IPP: variants seen among roughly 807,000 people sequenced by gnomAD.
The protein encoded by IPP is actin-binding protein IPP.
Under a neutral mutation model 64.1 loss-of-function variants are expected in IPP, and 41 were observed. The observed-to-expected ratio is 0.64, with a 90% CI of 0.50 to 0.83. The LOEUF is 0.83. Among genes scored for constraint, IPP ranks in the 40% least tolerant of loss-of-function variants. The pLI is 0.00. For synonymous variants in IPP, 214 were observed against 235.2 expected (o/e 0.91, Z 0.83); for missense variants, 649 against 703.0 (o/e 0.92, Z 0.87).
intron 1 of IPP, among the ~76,000 whole-genome samples, chr1:45,749,108 T>C (rs929167752): frequency 2.0e-5 from 3 of 152,222 alleles, no homozygotes; most frequent in African/African-American, 7.2e-5. Context: ...CAGCACATTT[T>C]GAACCCTAGT....
At chr1:45,741,378 A>G (rs538815815) in intron 2 of IPP, 46 bp from the exon 3 acceptor site, 2 of 1,279,688 alleles carry the variant, frequency 1.6e-6, no homozygotes, top group Non-Finnish European at 2.2e-6. Context: ...AAAAACAAAC[A>G]TTGGCTTACC....
chr1:45,717,168 G>T, intron 6 of IPP, 151 bp from the exon 7 acceptor site: 20 of 402,888 alleles, frequency 5.0e-5, no homozygotes, highest in Non-Finnish European at 6.6e-5. Flanking sequence ...GAAAAAGTTA[G>T]AATTTGACCA....
chr1:45,742,367 A>G (rs1235956821), intron 2 of IPP, among the ~76,000 whole-genome samples: 1 of 152,178 alleles, frequency 6.6e-6, no homozygotes, highest in Non-Finnish European at 1.5e-5. Context: ...TCTTGAACCT[A>G]AAAGTTGGAA....
chr1:45,719,131 T>C (rs1645698575), intron 6 of IPP, 72 bp downstream of exon 6: 1 of 1,428,294 alleles, frequency 7.0e-7, no homozygotes. Context: ...ATACCTATTA[T>C]GTATCCACAA....
rs569148357 is a variant in IPP at position 45,705,031 on chromosome 1, C to G, written c.1531-4841G>C. Among the ~76,000 whole-genome samples the G allele has an allele frequency of 1.2e-4, 18 of 152,368 alleles. No homozygotes were observed. In the South Asian group the frequency reaches 2.9e-3, roughly 25 times the overall value. On this transcript the variant is annotated intron_variant, in intron 8 of 8. Transcript: ENST00000396478. ...CCTCTGAGCTGCTACTCTCAACACA[C>G]TGTCTATGGAGTAGCCCCGCTCTGC... is the stretch of plus-strand genomic sequence containing the variant.
intron 5 of IPP, among the ~76,000 whole-genome samples, chr1:45,723,829 T>A (rs181377003): frequency 6.6e-6 from 1 of 151,920 alleles, no homozygotes; most frequent in Admixed American, 6.5e-5. Context: ...AAAAAATAAA[T>A]AAATAAAATA....
intron 3 of IPP, among the ~76,000 whole-genome samples, chr1:45,732,626 GGAA>G (rs1645926259): frequency 6.6e-6 from 1 of 151,890 alleles, no homozygotes; most frequent in African/African-American, 2.4e-5. Context: ...TCCAATAAAA[GGAA>G]GAAGACTACC....
intron 3 of IPP, among the ~76,000 whole-genome samples, chr1:45,735,003 C>T (rs1452795530): frequency 6.6e-6 from 1 of 152,126 alleles, no homozygotes; most frequent in Admixed American, 6.6e-5. Flanking sequence ...TGGTCTAGAA[C>T]TCCTGACCTC....
chr1:45,747,504 G>C (rs773957952), intron 1 of IPP, among the ~76,000 whole-genome samples: 11 of 151,996 alleles, frequency 7.2e-5, no homozygotes, highest in Non-Finnish European at 1.6e-4. Context: ...GGAATTATTA[G>C]GCCACCGGAC....
chr1:45,740,553 A>AC (rs534981654), intron 3 of IPP, among the ~76,000 whole-genome samples: 5,677 of 151,998 alleles, frequency 0.037, 190 homozygotes, highest in African/African-American at 0.091. Context: ...CGGGGGGCTG[A>AC]CCCCCCCTAG....
chr1:45,704,092 T>C (rs1645487883), intron 8 of IPP, among the ~76,000 whole-genome samples: 1 of 152,152 alleles, frequency 6.6e-6, no homozygotes, highest in Non-Finnish European at 1.5e-5. Context: ...ACTGAGGGAA[T>C]GAGGGAACCC....
intron 2 of IPP, among the ~76,000 whole-genome samples, chr1:45,744,667 C>T (rs781596163): frequency 5.3e-5 from 8 of 151,966 alleles, no homozygotes; most frequent in Non-Finnish European, 1.0e-4. Context: ...GGTGAAACCC[C>T]GTCTATACTA....
At chr1:45,725,658 T>G in intron 5 of IPP, among the ~76,000 whole-genome samples, 1 of 135,474 alleles carries the variant, frequency 7.4e-6, no homozygotes, top group Admixed American at 7.4e-5. Flanking sequence ...GCGGGAAGGG[T>G]GGGGAAAAAA....
intron 3 of IPP, among the ~76,000 whole-genome samples, chr1:45,733,126 A>G (rs183948137): frequency 6.6e-6 from 1 of 152,150 alleles, no homozygotes; most frequent in African/African-American, 2.4e-5. Context: ...TAGATATTCA[A>G]TCAGAAAAAT....
chr1:45,746,342 A>G lies in IPP; in HGVS notation c.70T>C (p.Leu24=). The G allele has an allele frequency of 6.2e-7, 1 of 1,614,096 alleles. No homozygotes were observed. The highest frequency in any genetic ancestry group is 1.1e-5 in the South Asian group (1 of 91,092). ...TTTCTCATCTTATTGATTTGGGCCAAGATGAGTTGGGCATGTTTATCTGAT... is the reference window on the plus strand; with the variant it reads ...TTTCTCATCTTATTGATTTGGGCCAGGATGAGTTGGGCATGTTTATCTGAT... ...FSSDKHAQLI[L]AQINKMRNGQ... is the part of the protein sequence containing the mutation. The change falls in exon 2 of 9, where the codon TTG becomes CTG. Residue 24 remains leucine (L), a synonymous_variant. Coordinates refer to ENST00000396478, the MANE Select transcript of IPP (RefSeq NM_005897.3).
Position 45,748,664 on chromosome 1 carries a change from C to A in IPP, c.-51+1933G>T, listed in dbSNP as rs148558844. On this transcript the variant is annotated intron_variant, in intron 1 of 8. Transcript: ENST00000396478. ...TCCAGCCTGGACAACAGAGCAAGAC[C>A]GTGTCTCAACAACAACAACAACAAA... Among the ~76,000 whole-genome samples the A allele has an allele frequency of 3.3e-5, 5 of 151,944 alleles. No individual in the cohort carries two copies. In the East Asian group the frequency reaches 9.6e-4, roughly 29 times the overall value.
intron 1 of IPP, among the ~76,000 whole-genome samples, chr1:45,749,950 G>A (rs1207013481): frequency 6.6e-6 from 1 of 152,184 alleles, no homozygotes; most frequent in African/African-American, 2.4e-5. Context: ...CTACTTGGGA[G>A]GCTGAGGTGA....
Position 45,716,938 on chromosome 1 carries a change from G to T in IPP, c.1266C>A (p.Asn422Lys), listed in dbSNP as rs767989399. 6.2e-7 allele frequency: 1 copy of T among 1,612,516 alleles called. No homozygotes were observed. Among genetic ancestry groups the T allele is most frequent in the East Asian group, 2.2e-5 (1 of 44,814 alleles). ...CAAAGTAGTAGCGTGACACAGCCAT[G>T]TTACCAACTACTTCCCATTTATTTT... is the stretch of plus-strand genomic sequence containing the variant. ...PDENKWEVVG[N>K]MAVSRYYFGC... The change falls in exon 7 of 9, where the codon AAC becomes AAA. Residue 422 changes from asparagine to lysine, a missense_variant. Asn to Lys is a moderately conservative substitution (Grantham distance 94). Transcript: ENST00000396478.
chr1:45,694,683 G>GGATAT, downstream of IPP: 1 of 546,502 alleles, frequency 1.8e-6, no homozygotes, highest in South Asian at 2.5e-5. Flanking sequence ...TCAAAGGTAA[G>GGATAT]TTGGACATGT....
Sources: allele counts gnomAD v4.1 joint callset (sites outside exome capture counted in the v4.1 genomes callset), GRCh38; gene constraint gnomAD v4.1.1; transcripts MANE v1.5; gene names NCBI Gene and HGNC (gene_info 2026-07-23, HGNC 2026-07-21).